TTC28: variants seen among roughly 807,000 people sequenced by gnomAD.
TTC28 encodes tetratricopeptide repeat protein 28.
TTC28 carries 61 observed loss-of-function variants against 198.0 expected under a neutral mutation model. That is an observed-to-expected ratio of 0.31 (90% confidence interval 0.25 to 0.38). The LOEUF (loss-of-function observed/expected upper bound fraction) is 0.38. Ranked by LOEUF, TTC28 falls within the 10% of genes least tolerant of loss-of-function variation. The pLI is 1.00. For missense variants in TTC28, 2,678 were observed against 3,164.0 expected, an observed-to-expected ratio of 0.85 and a Z score of 3.69; for synonymous variants, 1,171 against 1,297.8, an observed-to-expected ratio of 0.90 and a Z score of 2.10.
At chr22:28,193,556 C>G (rs1417803627) in intron 5 of TTC28, among the ~76,000 whole-genome samples, 1 of 152,028 alleles carries the variant, frequency 6.6e-6, no homozygotes, top group Admixed American at 6.6e-5. Context: ...CACGTGCAGA[C>G]ACACACATAA....
intron 5 of TTC28, among the ~76,000 whole-genome samples, chr22:28,258,783 A>C (rs1931129173): frequency 6.6e-6 from 1 of 152,142 alleles, no homozygotes; most frequent in Non-Finnish European, 1.5e-5. Flanking sequence ...TAGACCAACA[A>C]AAATTAGAAT....
In TTC28 at chr22:28,541,534, C is replaced by G. The variant is rs542749483; in HGVS notation, c.381+88018G>C. ...AAAACAATAAAAACCAAATGCACAA[C>G]AGGAAAACATCAACAATGTCCACAA... On this transcript the variant is annotated intron_variant, in intron 2 of 22. Transcript: ENST00000397906. Among the ~76,000 whole-genome samples, 4 of 152,244 alleles carry G rather than the reference C, an allele frequency of 2.6e-5. No individual in the cohort carries two copies. In the East Asian group the frequency reaches 7.7e-4, roughly 29 times the overall value.
chr22:28,309,363 T>C (rs2045208581), intron 2 of TTC28, among the ~76,000 whole-genome samples: 1 of 152,206 alleles, frequency 6.6e-6, no homozygotes, highest in African/African-American at 2.4e-5. Context: ...AGAATTCTCA[T>C]TGCTGTAAGG....
chr22:28,196,067 T>C (rs377232573), intron 5 of TTC28, among the ~76,000 whole-genome samples: 168 of 151,720 alleles, frequency 1.1e-3, no homozygotes, highest in South Asian at 5.6e-3. Flanking sequence ...CAAAACAGCA[T>C]GGTACTGGTA....
chr22:28,087,809 C>G (rs928001104), intron 12 of TTC28, among the ~76,000 whole-genome samples: 2 of 152,156 alleles, frequency 1.3e-5, no homozygotes, highest in African/African-American at 2.4e-5. Flanking sequence ...GCAACTTCAG[C>G]AAAGTCTCAG....
At chr22:28,436,064 T>C (rs2047515802) in intron 2 of TTC28, among the ~76,000 whole-genome samples, 1 of 152,244 alleles carries the variant, frequency 6.6e-6, no homozygotes, top group African/African-American at 2.4e-5. Flanking sequence ...CACCACCTCA[T>C]AACTGTGACT....
At chr22:28,501,111 T>C (rs1336146606) in intron 2 of TTC28, among the ~76,000 whole-genome samples, 2 of 152,174 alleles carry the variant, frequency 1.3e-5, no homozygotes, top group Non-Finnish European at 2.9e-5. Flanking sequence ...ACCTACTATA[T>C]GCCAAGCACA....
intron 12 of TTC28, among the ~76,000 whole-genome samples, chr22:28,037,752 T>C (rs1434557299): frequency 1.3e-5 from 2 of 152,188 alleles, no homozygotes; most frequent in Non-Finnish European, 2.9e-5. Context: ...ATGACATGAT[T>C]GTATATCTAG....
intron 2 of TTC28, among the ~76,000 whole-genome samples, chr22:28,331,769 T>C (rs1476974868): frequency 6.6e-6 from 1 of 152,090 alleles, no homozygotes; most frequent in African/African-American, 2.4e-5. Context: ...TATTTACATC[T>C]TTTATGTGGC....
At chr22:28,188,185 T>A (rs1294992172) in intron 5 of TTC28, among the ~76,000 whole-genome samples, 1 of 152,046 alleles carries the variant, frequency 6.6e-6, no homozygotes, top group Non-Finnish European at 1.5e-5. Flanking sequence ...GCTAGAAACC[T>A]CAGTAAAATA....
rs134549 is a variant in TTC28, at chr22:28,409,928, GTT to G, written c.382-103287_382-103286del. Among the ~76,000 whole-genome samples the G allele has an allele frequency of 1.0e-3, 151 of 146,872 alleles. 2 individuals carry two copies. In the East Asian group the frequency reaches 0.023, roughly 23 times the overall value. ...ATCTCAGCCTGCCAAAGTGCTAAGT[GTT>G]TTTTTTTTTGAGACAGAGTCTCGCT... On this transcript the variant is annotated intron_variant, in intron 2 of 22. Coordinates refer to ENST00000397906, the MANE Select transcript of TTC28 (RefSeq NM_001145418.2).
intron 2 of TTC28, among the ~76,000 whole-genome samples, chr22:28,531,792 C>G (rs1266757220): frequency 6.6e-6 from 1 of 152,210 alleles, no homozygotes; most frequent in Non-Finnish European, 1.5e-5. Context: ...AACTGAACAA[C>G]CTGCTCCTGA....
At chr22:28,327,972 G>C (rs2045557622) in intron 2 of TTC28, among the ~76,000 whole-genome samples, 1 of 152,164 alleles carries the variant, frequency 6.6e-6, no homozygotes, top group African/African-American at 2.4e-5. Flanking sequence ...GAAAATTCAA[G>C]AGAGAAAAGA....
Position 27,981,271 on chromosome 22 carries a change from T to G in TTC28, c.*950A>C, listed in dbSNP as rs1937011259. 1 of 131,574 alleles carries G rather than the reference T, an allele frequency of 7.6e-6. No homozygotes were observed. The allele number at this position is 131,574 out of a possible 1,614,324, so 8.2% of individuals were successfully genotyped here. On this transcript the variant is annotated 3_prime_UTR_variant, in exon 23 of 23. Coordinates refer to ENST00000397906, the MANE Select transcript of TTC28 (RefSeq NM_001145418.2). ...TTTTTTTTTTTTTTTTTTTTTTGCT[T>G]ATAAGGAAACGGAGTCATTTCAACC...
At chr22:28,646,117 G>A (rs559734544) in intron 1 of TTC28, among the ~76,000 whole-genome samples, 1 of 152,226 alleles carries the variant, frequency 6.6e-6, no homozygotes, top group African/African-American at 2.4e-5. Flanking sequence ...AAGTAGGAAG[G>A]GAGGAGGTCA....
chr22:28,552,509 T>G (rs532289315), intron 2 of TTC28, among the ~76,000 whole-genome samples: 3 of 152,136 alleles, frequency 2.0e-5, no homozygotes, highest in Non-Finnish European at 4.4e-5. Context: ...CAAAACAGCC[T>G]GGTACTGGTA....
At chr22:27,998,488 G>A in intron 16 of TTC28, 52 bp downstream of exon 16, 1 of 1,507,970 alleles carries the variant, frequency 6.6e-7, no homozygotes, top group South Asian at 1.3e-5. Context: ...GGGGGGCTGT[G>A]AGGACTGAGC....
chr22:28,277,743 A>G (rs1245774259), intron 5 of TTC28, among the ~76,000 whole-genome samples: 4 of 152,196 alleles, frequency 2.6e-5, no homozygotes, highest in Admixed American at 2.6e-4. Context: ...ATGAAAAATC[A>G]TCCATCCTCT....
rs1484006380 is a variant in TTC28 at position 27,980,675 on chromosome 22, T to C, written c.*1546A>G. 6.6e-6 allele frequency: 1 copy of C among 152,106 alleles called. No homozygotes were observed. Among genetic ancestry groups the C allele is most frequent in the Non-Finnish European group, 1.5e-5 (1 of 68,044 alleles). The allele number at this position is 152,106 out of a possible 1,614,324, so 9.4% of individuals were successfully genotyped here. A position where few individuals can be genotyped will look rare whatever the true frequency, so the allele number is the denominator to read the frequency against. On this transcript the variant is annotated 3_prime_UTR_variant, in exon 23 of 23. Transcript: ENST00000397906. ...GGCCGCCCACCTTCATGAGGAACCC[T>C]GTAGTGAGGTGGGTAGGATTTTAAT...
Sources: gnomAD v4.1 joint callset for allele counts (sites outside exome capture counted in the v4.1 genomes callset) on GRCh38, gnomAD v4.1.1 for gene constraint, MANE v1.5 for transcripts, NCBI Gene and HGNC (gene_info 2026-07-23, HGNC 2026-07-21) for gene names.